Variants in TENM3 observed in about 807,000 individuals in gnomAD.
TENM3 encodes the protein teneurin-3.
Under a neutral mutation model 255.1 loss-of-function variants are expected in TENM3, and 63 were observed. The ratio of observed to expected loss-of-function variants is 0.25; its 90% CI spans 0.20 to 0.30. TENM3 has a LOEUF of 0.30. Ranked by LOEUF, TENM3 falls within the 10% of genes least tolerant of loss-of-function variation. The pLI is 1.00. For synonymous variants in TENM3, 1,306 were observed against 1,322.3 expected (o/e 0.99, Z 0.27); for missense variants, 2,929 against 3,461.1 (o/e 0.85, Z 3.86).
chr4:181,805,684 C>A, the TENM3 span, among the ~76,000 whole-genome samples: 1 of 152,032 alleles, frequency 6.6e-6, no homozygotes, highest in Non-Finnish European at 1.5e-5. Context: ...TACCTCAGTG[C>A]ACGTGTCACC....
chr4:182,483,373 A>T (rs1329870113), intron 3 of TENM3, among the ~76,000 whole-genome samples: 1 of 152,212 alleles, frequency 6.6e-6, no homozygotes, highest in Non-Finnish European at 1.5e-5. Flanking sequence ...ATTGAAGGAC[A>T]GTTGCAAGCC....
At chr4:181,984,731 T>C in the TENM3 span, among the ~76,000 whole-genome samples, 1 of 151,772 alleles carries the variant, frequency 6.6e-6, no homozygotes, top group East Asian at 1.9e-4. Context: ...CCATAAATTT[T>C]AAAAGAAATA....
At chr4:181,471,255 C>T in the TENM3 span, among the ~76,000 whole-genome samples, 8 of 152,312 alleles carry the variant, frequency 5.3e-5, no homozygotes, top group African/African-American at 1.7e-4. Flanking sequence ...CAGCACATGG[C>T]TTCAACCATT....
intron 3 of TENM3, among the ~76,000 whole-genome samples, chr4:182,422,108 T>G (rs1262103324): frequency 6.6e-6 from 1 of 152,254 alleles, no homozygotes; most frequent in Non-Finnish European, 1.5e-5. Flanking sequence ...ATTTGTAATG[T>G]AAATGTGTTC....
the TENM3 span, among the ~76,000 whole-genome samples, chr4:181,689,420 T>A: frequency 1.3e-5 from 2 of 152,158 alleles, no homozygotes; most frequent in Non-Finnish European, 2.9e-5. Flanking sequence ...GTCAAGATGG[T>A]TTCCCTGCTG....
chr4:182,346,699 G>T lies in TENM3; in HGVS notation c.281G>T (p.Arg94Leu). Residue 94 changes from arginine (R) to leucine (L), a missense_variant, in exon 3 of 28, where the codon CGA becomes CTA. Arg to Leu is a moderately radical substitution (Grantham distance 102). Coordinates refer to ENST00000511685, the MANE Select transcript of TENM3 (RefSeq NM_001080477.4). ...RQLGVCEPATRRGLAFCAEMG... is the reference protein window; with the variant it reads ...RQLGVCEPATLRGLAFCAEMG... ...TTAGGAGTTTGTGAACCAGCAACTC[G>T]AAGAGGACTGGCATTTTGTGCGGAA... 1 of 1,613,648 alleles carries T rather than the reference G, an allele frequency of 6.2e-7. No individual in the cohort carries two copies. The highest frequency in any genetic ancestry group is 1.1e-5 in the South Asian group (1 of 91,036).
At chr4:182,221,481 G>A (rs1755848915) in intron 1 of TENM3, among the ~76,000 whole-genome samples, 1 of 152,162 alleles carries the variant, frequency 6.6e-6, no homozygotes, top group African/African-American at 2.4e-5. Context: ...GAACATTCTA[G>A]AATAAAAATA....
chr4:182,318,744 G>A (rs549796948), intron 1 of TENM3, among the ~76,000 whole-genome samples: 40 of 152,254 alleles, frequency 2.6e-4, no homozygotes, highest in African/African-American at 8.2e-4. Flanking sequence ...TGTGTTTGCT[G>A]TAGCCAGTTC....
the TENM3 span, among the ~76,000 whole-genome samples, chr4:181,673,845 GGTGTGTGTGTGT>G: frequency 0.034 from 4,661 of 137,404 alleles, 231 homozygotes; most frequent in African/African-American, 0.12. Context: ...AGAAGTGTGT[GGTGTGTGTGTGT>G]GTGTGTGTGT....
chr4:181,612,745 T>C, the TENM3 span, among the ~76,000 whole-genome samples: 4 of 152,218 alleles, frequency 2.6e-5, no homozygotes, highest in African/African-American at 9.7e-5. Context: ...CTTAACATAC[T>C]AATTGATTTT....
Position 182,661,313 on chromosome 4 carries a change from G to C in TENM3, c.1111+7420G>C, listed in dbSNP as rs6835067. Among the ~76,000 whole-genome samples the C allele has an allele frequency of 9.0e-3, 1,301 of 145,132 alleles. 14 individuals are homozygous for C. Among genetic ancestry groups the C allele is most frequent in the African/African-American group, 0.032 (1,232 of 39,006 alleles). On this transcript the variant is annotated intron_variant, in intron 6 of 27. Coordinates refer to ENST00000511685, the MANE Select transcript of TENM3 (RefSeq NM_001080477.4). Reference sequence around the variant, plus strand: ...CCACCTGGGTTCATGCCATTCTCCTGCCTCAGCCTCCCGAGTAGCTGGGAC... The same window carrying C: ...CCACCTGGGTTCATGCCATTCTCCTCCCTCAGCCTCCCGAGTAGCTGGGAC...
At chr4:182,767,720 C>T (rs1763841169) in intron 22 of TENM3, among the ~76,000 whole-genome samples, 1 of 152,162 alleles carries the variant, frequency 6.6e-6, no homozygotes, top group South Asian at 2.1e-4. Context: ...TGAGTTCTTA[C>T]TGGGATCCAA....
chr4:181,537,063 A>G, the TENM3 span, among the ~76,000 whole-genome samples: 63 of 152,134 alleles, frequency 4.1e-4, no homozygotes, highest in Non-Finnish European at 2.2e-4. Context: ...AAAACTTTAT[A>G]TGTTTATATT....
the TENM3 span, among the ~76,000 whole-genome samples, chr4:181,891,526 T>C: frequency 6.6e-6 from 1 of 152,182 alleles, no homozygotes; most frequent in Non-Finnish European, 1.5e-5. Context: ...TTATCTCCTT[T>C]CTTGCTTCTA....
intron 4 of TENM3, among the ~76,000 whole-genome samples, chr4:182,608,594 C>T (rs111482207): frequency 6.6e-5 from 10 of 152,272 alleles, no homozygotes; most frequent in African/African-American, 2.2e-4. Context: ...TGTAAAAGAG[C>T]GCCCTGCTCG....
the TENM3 span, among the ~76,000 whole-genome samples, chr4:182,071,386 GTTC>G: frequency 6.6e-6 from 1 of 151,174 alleles, no homozygotes; most frequent in Non-Finnish European, 1.5e-5. Flanking sequence ...AGTGTGCTTA[GTTC>G]TTCTTTCCCA....
chr4:182,220,865 A>T (rs1456059045), intron 1 of TENM3, among the ~76,000 whole-genome samples: 1 of 152,236 alleles, frequency 6.6e-6, no homozygotes, highest in African/African-American at 2.4e-5. Context: ...TGTGAAGGCC[A>T]TCATAGAAAG....
the TENM3 span, among the ~76,000 whole-genome samples, chr4:181,483,194 T>G: frequency 6.6e-6 from 1 of 152,170 alleles, no homozygotes; most frequent in Non-Finnish European, 1.5e-5. Flanking sequence ...AGTTTCAGAC[T>G]AAATTGTCCA....
chr4:181,881,725 A>G, the TENM3 span, among the ~76,000 whole-genome samples: 1 of 152,182 alleles, frequency 6.6e-6, no homozygotes, highest in Admixed American at 6.5e-5. Flanking sequence ...GACAGAGACA[A>G]TTCCAAAAAC....
Sources: allele counts gnomAD v4.1 joint callset (sites outside exome capture counted in the v4.1 genomes callset), GRCh38; gene constraint gnomAD v4.1.1; transcripts MANE v1.5; gene names NCBI Gene and HGNC (gene_info 2026-07-23, HGNC 2026-07-21).